ATXN1: variants seen among roughly 807,000 people sequenced by gnomAD.
ATXN1 encodes ataxin-1.
In ATXN1, 8 loss-of-function variants were observed where a neutral mutation model predicts 56.4. That is an observed-to-expected ratio of 0.14 (90% CI 0.08 to 0.26). The LOEUF is 0.26. ATXN1 is among the 10% of genes least tolerant of loss of function. ATXN1 has a pLI of 1.00. For synonymous variants in ATXN1, 514 were observed against 494.6 expected (o/e 1.04, Z -0.52); for missense variants, 987 against 1,106.5 (o/e 0.89, Z 1.53).
chr6:16,512,479 T>C (rs991540188), intron 5 of ATXN1, among the ~76,000 whole-genome samples: 3 of 152,228 alleles, frequency 2.0e-5, no homozygotes, highest in African/African-American at 7.2e-5. Flanking sequence ...CAGGACAGTG[T>C]CAGCATACTT....
intron 2 of ATXN1, among the ~76,000 whole-genome samples, chr6:16,725,520 G>T (rs1759829884): frequency 6.6e-6 from 1 of 152,158 alleles, no homozygotes; most frequent in Admixed American, 6.5e-5. Flanking sequence ...AAGAAAAAGA[G>T]CTAAATCCAG....
chr6:16,673,141 C>T (rs1408184923), intron 2 of ATXN1, among the ~76,000 whole-genome samples: 1 of 151,732 alleles, frequency 6.6e-6, no homozygotes, highest in Non-Finnish European at 1.5e-5. Context: ...CTGGTGAGAC[C>T]TGTATTGGAT....
At chr6:16,320,053 G>A (rs1006941123) in intron 7 of ATXN1, among the ~76,000 whole-genome samples, 3 of 152,054 alleles carry the variant, frequency 2.0e-5, no homozygotes, top group African/African-American at 7.2e-5. Context: ...AGGATTCATC[G>A]CCACCAAGCT....
At chr6:16,380,420 T>C (rs988685260) in intron 6 of ATXN1, among the ~76,000 whole-genome samples, 8 of 152,122 alleles carry the variant, frequency 5.3e-5, no homozygotes, top group African/African-American at 1.9e-4. Context: ...TTCCTGTGTC[T>C]GGATTTCTGT....
chr6:16,535,788 C>T (rs1315697639), intron 4 of ATXN1, among the ~76,000 whole-genome samples: 2 of 152,058 alleles, frequency 1.3e-5, no homozygotes. Flanking sequence ...GTTGACAAAC[C>T]CTGACACAAC....
At chr6:16,315,149 CAAACTT>C (rs553633355) in intron 7 of ATXN1, among the ~76,000 whole-genome samples, 247 of 152,230 alleles carry the variant, frequency 1.6e-3, no homozygotes, top group Non-Finnish European at 3.1e-3. Flanking sequence ...ATGGGCAACT[CAAACTT>C]AAAGTGACCT....
chr6:16,690,830 A>T (rs1372418129), intron 2 of ATXN1, among the ~76,000 whole-genome samples: 1 of 152,112 alleles, frequency 6.6e-6, no homozygotes. Context: ...TGTGGGGCAG[A>T]ATCTCCCCTC....
intron 3 of ATXN1, among the ~76,000 whole-genome samples, chr6:16,626,372 C>T (rs985771184): frequency 2.6e-5 from 4 of 152,050 alleles, no homozygotes; most frequent in Admixed American, 6.5e-5. Context: ...TCACTGCAAC[C>T]TCTCTGCCTC....
chr6:16,685,536 C>A (rs537962888), intron 2 of ATXN1, among the ~76,000 whole-genome samples: 1 of 152,116 alleles, frequency 6.6e-6, no homozygotes, highest in Middle Eastern at 3.2e-3. Flanking sequence ...TGACTTCTTA[C>A]ATAAAAGCCA....
At chr6:16,730,971 T>C (rs571815735) in intron 2 of ATXN1, among the ~76,000 whole-genome samples, 9 of 152,298 alleles carry the variant, frequency 5.9e-5, no homozygotes, top group African/African-American at 2.2e-4. Flanking sequence ...TAGCTCATAT[T>C]GACAAGATAG....
intron 6 of ATXN1, among the ~76,000 whole-genome samples, chr6:16,447,146 T>C (rs1490458630): frequency 6.6e-6 from 1 of 152,204 alleles, no homozygotes; most frequent in East Asian, 1.9e-4. Flanking sequence ...AAAGTAAATA[T>C]AGTGTACCGG....
intron 3 of ATXN1, among the ~76,000 whole-genome samples, chr6:16,641,328 A>G (rs1161553125): frequency 1.3e-5 from 2 of 152,246 alleles, no homozygotes; most frequent in African/African-American, 4.8e-5. Flanking sequence ...GGAGAAGTCA[A>G]TGCTTGACTA....
In ATXN1 at chr6:16,549,563, T is replaced by A. The variant is rs554442898; in HGVS notation, c.-360-26875A>T. ...GTTGTCCCACAGAGGATACCACCGA[T>A]GCCCCAGGTTGTCCACTACTGCTTA... On this transcript the variant is annotated intron_variant, in intron 4 of 7. Transcript: ENST00000436367. Among the ~76,000 whole-genome samples the A allele has an allele frequency of 9.2e-5, 14 of 152,288 alleles. No homozygotes were observed. The South Asian group carries it at 2.9e-3, about 32-fold the overall frequency.
intron 2 of ATXN1, chr6:16,737,092 A>T (rs973095754): frequency 8.5e-5 from 13 of 152,236 alleles, no homozygotes; most frequent in African/African-American, 3.1e-4. Flanking sequence ...ACACACAGAC[A>T]CACTCTCACA....
At chr6:16,671,368 G>A (rs1407688227) in intron 2 of ATXN1, among the ~76,000 whole-genome samples, 9 of 147,738 alleles carry the variant, frequency 6.1e-5, no homozygotes, top group Non-Finnish European at 1.2e-4. Context: ...GAGCTACAAA[G>A]TCTCAAAAGA....
At chr6:16,682,412 G>C (rs1758833463) in intron 2 of ATXN1, among the ~76,000 whole-genome samples, 2 of 151,958 alleles carry the variant, frequency 1.3e-5, no homozygotes, top group Admixed American at 1.3e-4. Context: ...GGCCAGGCTT[G>C]TCTCGAACTC....
chr6:16,316,824 G>A (rs1217986705), intron 7 of ATXN1, among the ~76,000 whole-genome samples: 2 of 146,496 alleles, frequency 1.4e-5, no homozygotes, highest in South Asian at 2.2e-4. Context: ...ACATTGCAAT[G>A]GTACAAGTGG....
chr6:16,617,332 A>T (rs539822437), intron 3 of ATXN1, among the ~76,000 whole-genome samples: 1 of 152,300 alleles, frequency 6.6e-6, no homozygotes, highest in African/African-American at 2.4e-5. Flanking sequence ...TATTAAATTA[A>T]ATTTTATTTT....
intron 5 of ATXN1, among the ~76,000 whole-genome samples, chr6:16,503,653 A>G (rs1218369842): frequency 1.3e-5 from 2 of 152,180 alleles, no homozygotes; most frequent in Non-Finnish European, 2.9e-5. Flanking sequence ...ATTCATAGTT[A>G]TATTCCAGCT....
Sources: gnomAD v4.1 joint callset for allele counts (sites outside exome capture counted in the v4.1 genomes callset) on GRCh38, gnomAD v4.1.1 for gene constraint, MANE v1.5 for transcripts, NCBI Gene and HGNC (gene_info 2026-07-23, HGNC 2026-07-21) for gene names.